Variants in THSD4 observed in about 807,000 individuals in gnomAD.
THSD4 encodes the protein thrombospondin type-1 domain-containing protein 4.
Under a neutral mutation model 119.0 loss-of-function variants are expected in THSD4, and 69 were observed. That is an observed-to-expected ratio of 0.58 (90% CI 0.48 to 0.71). The LOEUF is 0.71. Ranked by LOEUF, THSD4 falls within the 30% of genes least tolerant of loss-of-function variation. The pLI, the probability that THSD4 is intolerant of heterozygous loss-of-function variation, is 0.00. For missense variants in THSD4, 1,393 were observed against 1,391.1 expected, an observed-to-expected ratio of 1.00 and a Z score of -0.02; for synonymous variants, 524 against 540.4, an observed-to-expected ratio of 0.97 and a Z score of 0.42.
chr15:71,408,378 G>A (rs868450984), intron 6 of THSD4, among the ~76,000 whole-genome samples: 4 of 151,928 alleles, frequency 2.6e-5, no homozygotes, highest in South Asian at 2.1e-4. Flanking sequence ...GACTACAGGC[G>A]TGCACCCTCA....
chr15:71,247,082 G>C (rs2044210230), intron 5 of THSD4, among the ~76,000 whole-genome samples: 1 of 151,980 alleles, frequency 6.6e-6, no homozygotes, highest in Non-Finnish European at 1.5e-5. Flanking sequence ...ATTTTTAGTA[G>C]AGATGGGGTT....
intron 8 of THSD4, among the ~76,000 whole-genome samples, chr15:71,675,679 A>G (rs558763834): frequency 6.6e-6 from 1 of 152,200 alleles, no homozygotes; most frequent in African/African-American, 2.4e-5. Context: ...TCTAACCCTC[A>G]CAACACTCAC....
At chr15:71,737,628 A>C in intron 10 of THSD4, 104 bp from the exon 11 acceptor site, 1 of 1,428,374 alleles carries the variant, frequency 7.0e-7, no homozygotes, top group Admixed American at 2.8e-5. Flanking sequence ...GTGACTTAGA[A>C]ACGATCTCAT....
intron 7 of THSD4, among the ~76,000 whole-genome samples, chr15:71,446,770 C>T (rs953601394): frequency 1.3e-5 from 2 of 152,130 alleles, no homozygotes; most frequent in Non-Finnish European, 2.9e-5. Flanking sequence ...TCACTTCCCT[C>T]CAGTTTTCAG....
intron 3 of THSD4, among the ~76,000 whole-genome samples, chr15:71,167,537 C>T (rs2043305237): frequency 6.6e-6 from 1 of 152,148 alleles, no homozygotes; most frequent in Non-Finnish European, 1.5e-5. Flanking sequence ...TTAAGAAACA[C>T]AGAAGATTTT....
At chr15:71,251,166 C>T (rs748060931) in intron 5 of THSD4, among the ~76,000 whole-genome samples, 2 of 152,062 alleles carry the variant, frequency 1.3e-5, no homozygotes, top group Admixed American at 6.5e-5. Context: ...ATAACTGGAG[C>T]GAAATTTTGG....
intron 7 of THSD4, among the ~76,000 whole-genome samples, chr15:71,517,898 T>A (rs1270706591): frequency 2.6e-5 from 4 of 152,206 alleles, no homozygotes; most frequent in African/African-American, 7.2e-5. Flanking sequence ...TAATCAGAAC[T>A]CCTTCCAGAG....
At chr15:71,282,584 G>A (rs1048392238) in intron 6 of THSD4, among the ~76,000 whole-genome samples, 2 of 152,038 alleles carry the variant, frequency 1.3e-5, no homozygotes, top group Non-Finnish European at 2.9e-5. Context: ...GTCCACATAG[G>A]CCAACACCCA....
intron 7 of THSD4, among the ~76,000 whole-genome samples, chr15:71,427,946 A>G (rs758260946): frequency 6.6e-6 from 1 of 152,162 alleles, no homozygotes; most frequent in Non-Finnish European, 1.5e-5. Context: ...CCTCTTACCC[A>G]AGAGACAGAA....
At chr15:71,567,495 C>G (rs533940043) in intron 7 of THSD4, among the ~76,000 whole-genome samples, 1 of 152,244 alleles carries the variant, frequency 6.6e-6, no homozygotes, top group South Asian at 2.1e-4. Context: ...AGGAAGCAGG[C>G]ATATTTGTCC....
chr15:71,561,932 ACTCT>A (rs139542150), intron 7 of THSD4, among the ~76,000 whole-genome samples: 73 of 148,470 alleles, frequency 4.9e-4, no homozygotes, highest in African/African-American at 1.5e-3. Context: ...ACACTCACTC[ACTCT>A]CTCTCTTCTC....
intron 8 of THSD4, among the ~76,000 whole-genome samples, chr15:71,694,939 G>A (rs528636887): frequency 1.3e-5 from 2 of 152,276 alleles, no homozygotes; most frequent in East Asian, 3.9e-4. Context: ...ATGGAGAGGT[G>A]TGCCGAGGAA....
At position 71,362,748 on chromosome 15, in the gene THSD4, C is replaced by T. The variant is rs375972590; in HGVS notation, c.1016-48939C>T. ...ACAGTGAGTTCCGTTTTCGTCCGCA[C>T]GCAGCACTCCCACCCTAATTTCATC... On this transcript the variant is annotated intron_variant, in intron 6 of 17. Transcript: ENST00000261862. Among the ~76,000 whole-genome samples the T allele has an allele frequency of 4.6e-5, 7 of 152,264 alleles. No individual in the cohort carries two copies. In the East Asian group the frequency reaches 5.8e-4, roughly 13 times the overall value.
intron 7 of THSD4, among the ~76,000 whole-genome samples, chr15:71,523,754 TG>T (rs1185395895): frequency 6.6e-5 from 10 of 152,170 alleles, no homozygotes; most frequent in Non-Finnish European, 1.5e-4. Flanking sequence ...TGCCAGAACT[TG>T]GTGATAAATT....
intron 3 of THSD4, chr15:71,184,093 A>T (rs112209574): frequency 6.6e-6 from 1 of 151,716 alleles, no homozygotes; most frequent in African/African-American, 2.4e-5. Flanking sequence ...GTCATGTTAG[A>T]TCTGCCTCTT....
At chr15:71,147,244 G>C (rs893412969) in intron 2 of THSD4, among the ~76,000 whole-genome samples, 1 of 152,076 alleles carries the variant, frequency 6.6e-6, no homozygotes, top group Non-Finnish European at 1.5e-5. Context: ...TCTCTCTGTT[G>C]CCCAGGCTGG....
At chr15:71,152,013 T>C (rs1378448325) in intron 2 of THSD4, among the ~76,000 whole-genome samples, 3 of 152,226 alleles carry the variant, frequency 2.0e-5, no homozygotes, top group Non-Finnish European at 4.4e-5. Context: ...AGTGCTGCTC[T>C]AGATCCTCAG....
chr15:71,487,908 AT>A (rs149915393), intron 7 of THSD4, among the ~76,000 whole-genome samples: 5,294 of 151,794 alleles, frequency 0.035, 145 homozygotes, highest in African/African-American at 0.079. Context: ...TGTGGTTTTA[AT>A]TTTTTTCCTC....
chr15:71,482,132 A>T (rs1428286966), intron 7 of THSD4, among the ~76,000 whole-genome samples: 1 of 152,184 alleles, frequency 6.6e-6, no homozygotes, highest in African/African-American at 2.4e-5. Flanking sequence ...CTTTCCTATC[A>T]TAACAAGAAG....
Sources: allele counts gnomAD v4.1 joint callset (sites outside exome capture counted in the v4.1 genomes callset), GRCh38; gene constraint gnomAD v4.1.1; transcripts MANE v1.5; gene names NCBI Gene and HGNC (gene_info 2026-07-23, HGNC 2026-07-21).